RAD21L1: variants seen among roughly 807,000 people sequenced by gnomAD.
RAD21L1 encodes the protein RAD21 cohesin complex component like 1.
Under a neutral mutation model 69.0 loss-of-function variants are expected in RAD21L1, and 47 were observed. That is an observed-to-expected ratio of 0.68 (90% CI 0.54 to 0.87). The LOEUF is 0.87. Ranked by LOEUF, RAD21L1 falls within the 40% of genes least tolerant of loss-of-function variation. The pLI is 0.00. For missense variants in RAD21L1, 583 were observed against 647.6 expected (o/e 0.90, Z 1.08); for synonymous variants, 177 against 205.8 (o/e 0.86, Z 1.20).
At chr20:1,245,799 C>T (rs1037784350) in intron 11 of RAD21L1, among the ~76,000 whole-genome samples, 2 of 151,968 alleles carry the variant, frequency 1.3e-5, no homozygotes, top group African/African-American at 4.8e-5. Flanking sequence ...CTCACTCCCT[C>T]TCTGCTTGCT....
intron 1 of RAD21L1, among the ~76,000 whole-genome samples, chr20:1,226,761 C>CG (rs1210475680): frequency 6.6e-6 from 1 of 152,000 alleles, no homozygotes. Context: ...CGGGAGGGTG[C>CG]GGGGGGAGTT....
intron 5 of RAD21L1, among the ~76,000 whole-genome samples, chr20:1,237,174 A>G (rs2087513253): frequency 6.6e-6 from 1 of 152,014 alleles, no homozygotes; most frequent in Admixed American, 6.6e-5. Context: ...TAGAGGGAGG[A>G]GAAGACTAAC....
chr20:1,254,648 T>G lies in RAD21L1; in HGVS notation c.*191T>G, dbSNP rs888729316. 4.9e-6 allele frequency: 2 copies of G among 406,496 alleles called. No homozygotes were observed. Among genetic ancestry groups the G allele is most frequent in the African/African-American group, 4.3e-5 (2 of 46,646 alleles). The allele number at this position is 406,496 out of a possible 1,614,324, so 25.2% of individuals were successfully genotyped here. A position where few individuals can be genotyped will look rare whatever the true frequency, so the allele number is the denominator to read the frequency against. On this transcript the variant is annotated 3_prime_UTR_variant, in exon 14 of 14. Transcript: ENST00000683101. Reference sequence around the variant, plus strand: ...CCTACATGCTTACAAAGAAATACTTTAAATTCTGTTTTGTTTTTTTTTGTT... The same window carrying G: ...CCTACATGCTTACAAAGAAATACTTGAAATTCTGTTTTGTTTTTTTTTGTT...
chr20:1,250,136 G>T (rs2087798484), intron 13 of RAD21L1, among the ~76,000 whole-genome samples: 1 of 151,948 alleles, frequency 6.6e-6, no homozygotes, highest in Non-Finnish European at 1.5e-5. Flanking sequence ...ATAGGTTGCT[G>T]AGAATGATGG....
intron 9 of RAD21L1, 123 bp downstream of exon 9, chr20:1,242,968 T>A: frequency 1.1e-6 from 1 of 898,650 alleles, no homozygotes; most frequent in Non-Finnish European, 1.7e-6. Flanking sequence ...AAGTACTTCC[T>A]CATTTTGAAT....
intron 11 of RAD21L1, among the ~76,000 whole-genome samples, chr20:1,244,864 T>C (rs1226309845): frequency 2.0e-5 from 3 of 152,160 alleles, no homozygotes; most frequent in East Asian, 1.9e-4. Flanking sequence ...AGTCAACCCA[T>C]GTTGAAACTG....
At chr20:1,236,526 T>C (rs1254925070) in intron 5 of RAD21L1, among the ~76,000 whole-genome samples, 1 of 152,216 alleles carries the variant, frequency 6.6e-6, no homozygotes, top group Non-Finnish European at 1.5e-5. Context: ...TCCTTTACAA[T>C]TTTAAAAGGT....
intron 3 of RAD21L1, 31 bp from the exon 4 acceptor site, chr20:1,231,495 C>T (rs1264585668): frequency 1.8e-6 from 2 of 1,089,732 alleles, no homozygotes; most frequent in Non-Finnish European, 2.7e-6. Flanking sequence ...AGCATTGTTG[C>T]TTATTGAGTA....
chr20:1,237,281 T>C (rs926478797), intron 5 of RAD21L1, among the ~76,000 whole-genome samples: 14 of 152,180 alleles, frequency 9.2e-5, no homozygotes, highest in Non-Finnish European at 1.6e-4. Context: ...TCTGGTCCCC[T>C]GGAACTATCA....
chr20:1,243,220 T>C (rs995458549), intron 10 of RAD21L1, 24 bp downstream of exon 10: 36 of 1,206,098 alleles, frequency 3.0e-5, no homozygotes, highest in Non-Finnish European at 4.1e-5. Context: ...ATTCTGTTGA[T>C]GTTGAGGGGA....
intron 4 of RAD21L1, among the ~76,000 whole-genome samples, chr20:1,233,275 A>G (rs1205795879): frequency 1.3e-5 from 2 of 152,194 alleles, no homozygotes; most frequent in Non-Finnish European, 2.9e-5. Context: ...AACTTCAACC[A>G]TGGACTCTAA....
intron 3 of RAD21L1, 38 bp downstream of exon 3, chr20:1,230,047 C>G (rs930035981): frequency 4.7e-6 from 7 of 1,484,480 alleles, no homozygotes. Flanking sequence ...TTCTTGGTTC[C>G]CTTTTGCATT....
intron 5 of RAD21L1, among the ~76,000 whole-genome samples, chr20:1,235,409 C>T (rs527498457): frequency 5.7e-4 from 87 of 151,922 alleles, no homozygotes; most frequent in Non-Finnish European, 9.9e-4. Context: ...AATATTTGTC[C>T]ATTTTCAATC....
At position 1,226,809 on chromosome 20, in the gene RAD21L1, TA is replaced by T. The variant is rs559571613; in HGVS notation, c.-33+671del. On this transcript the variant is annotated intron_variant, in intron 1 of 13. Coordinates refer to ENST00000683101, the MANE Select transcript of RAD21L1 (RefSeq NM_001384355.1). ...TTGTGGGGAGGGGAAAAAGGTTAGG[TA>T]ATATGTGCTCGGGAAAATCAATGTC... Among the ~76,000 whole-genome samples the T allele has an allele frequency of 6.0e-3, 920 of 152,248 alleles. 3 individuals are homozygous for T. The highest frequency in any genetic ancestry group is 9.8e-3 in the Non-Finnish European group (669 of 67,992).
intron 1 of RAD21L1, among the ~76,000 whole-genome samples, chr20:1,227,521 G>A (rs568342195): frequency 6.6e-6 from 1 of 152,274 alleles, no homozygotes; most frequent in East Asian, 1.9e-4. Flanking sequence ...TCTTTTATCA[G>A]TATCTTAAGT....
chr20:1,243,160 T>G lies in RAD21L1; in HGVS notation c.1147T>G (p.Ser383Ala). Residue 383 changes from serine to alanine, a missense_variant, in exon 10 of 14, where the codon TCA becomes GCA. Ser to Ala is a moderately conservative substitution (Grantham distance 99). Transcript: ENST00000683101. The stretch of plus-strand genomic sequence containing the variant: ...TGGAAGAAAAATGATACAGAAGGAG[T>G]CAGTAAGGGAAGAAGTGGGAAACCA... ...KLGRKMIQKESVREEVGNQNI... is the reference protein window; with the variant it reads ...KLGRKMIQKEAVREEVGNQNI... 6.5e-7 allele frequency: 1 copy of G among 1,538,052 alleles called. No individual in the cohort carries two copies. Among genetic ancestry groups the G allele is most frequent in the Non-Finnish European group, 8.8e-7 (1 of 1,140,722 alleles).
At chr20:1,239,236 GTAACAT>G in intron 6 of RAD21L1, 70 bp from the exon 7 acceptor site, 1 of 779,960 alleles carries the variant, frequency 1.3e-6, no homozygotes, top group Admixed American at 2.5e-5. Flanking sequence ...AATGCATAAA[GTAACAT>G]TAATAAATGT....
Position 1,229,905 on chromosome 20 carries a change from G to T in RAD21L1, c.170G>T (p.Gly57Val). 1.3e-6 allele frequency: 2 copies of T among 1,548,610 alleles called. No individual in the cohort carries two copies. Among genetic ancestry groups the T allele is most frequent in the Non-Finnish European group, 1.7e-6 (2 of 1,144,690 alleles). The part of the protein sequence containing the change: ...PKVKIALRTS[G>V]HLLLGVVRIY... The stretch of plus-strand genomic sequence containing the variant: ...GTGAAAATAGCACTTCGAACTTCAG[G>T]ACACCTTCTTTTGGGAGTTGTTCGA... The change falls in exon 3 of 14, where the codon GGA becomes GTA. Residue 57 changes from glycine (G) to valine (V), a missense_variant. By Grantham distance (109) the Gly-to-Val change is moderately radical. Transcript: ENST00000683101.
chr20:1,251,075 C>T (rs1026912443), intron 13 of RAD21L1, among the ~76,000 whole-genome samples: 2 of 152,136 alleles, frequency 1.3e-5, no homozygotes, highest in African/African-American at 4.8e-5. Flanking sequence ...AACATCCTTT[C>T]ATAATTTCCT....
Sources: allele counts gnomAD v4.1 joint callset (sites outside exome capture counted in the v4.1 genomes callset), GRCh38; gene constraint gnomAD v4.1.1; transcripts MANE v1.5; gene names NCBI Gene and HGNC (gene_info 2026-07-23, HGNC 2026-07-21).